Variants in PLEKHA1 observed in about 807,000 individuals in gnomAD.
PLEKHA1 encodes the protein pleckstrin homology domain-containing family A member 1.
A neutral mutation model predicts 52.0 loss-of-function variants in PLEKHA1; 34 were observed. The observed-to-expected ratio is 0.65, with a 90% CI of 0.50 to 0.87. PLEKHA1 has a LOEUF of 0.87. PLEKHA1 is among the 40% of genes least tolerant of loss of function. PLEKHA1 has a pLI of 0.00. For synonymous variants in PLEKHA1, 163 were observed against 170.7 expected (o/e 0.95, Z 0.35); for missense variants, 497 against 504.2 (o/e 0.99, Z 0.14).
downstream of PLEKHA1, chr10:122,435,492 G>A (rs982167792): frequency 1.3e-5 from 2 of 152,116 alleles, no homozygotes; most frequent in African/African-American, 4.8e-5. Context: ...TGCCTCCATC[G>A]TAGAAAATTA....
In PLEKHA1 at chr10:122,424,169, CTGTTT is replaced by C; in HGVS notation, c.682-28_682-24del. 5 of 728,538 alleles carry C rather than the reference CTGTTT, an allele frequency of 6.9e-6. No individual in the cohort carries two copies. The African/African-American group carries it at 9.6e-5, about 14-fold the overall frequency. 45.1% of individuals were successfully genotyped at this position (728,538 alleles called of 1,614,324 possible). The stretch of plus-strand genomic sequence containing the variant: ...GATTTTAAGAATAAACATCATGTAA[CTGTTT>C]TTTTTTTTTTTTTTTTTTTGCCAGG... On this transcript the variant is annotated intron_variant, in intron 8 of 11. Coordinates refer to ENST00000368990, the MANE Select transcript of PLEKHA1 (RefSeq NM_001001974.4).
At chr10:122,433,767 T>C (rs917475028), downstream of PLEKHA1, 2 of 152,250 alleles carry the variant, frequency 1.3e-5, no homozygotes, top group African/African-American at 4.8e-5. Flanking sequence ...TTAGGTTTTC[T>C]GTAGTTCTGT....
At chr10:122,429,357 A>T (rs951763376) in intron 11 of PLEKHA1, among the ~76,000 whole-genome samples, 44 of 152,222 alleles carry the variant, frequency 2.9e-4, no homozygotes, top group African/African-American at 1.0e-3. Flanking sequence ...ATAGGCTGCC[A>T]AATTCAGCTT....
At position 122,418,191 on chromosome 10, in the gene PLEKHA1, A is replaced by AG. The variant is rs1365201914; in HGVS notation, c.681+224dup. ...CTTCAAAGCAGCATTCCACCTTGAA[A>AG]GATCTGAAGATCTCAGAATCCTCTA... On this transcript the variant is annotated intron_variant, in intron 8 of 11. Transcript: ENST00000368990. The AG allele has an allele frequency of 2.0e-5, 8 of 409,938 alleles. No individual in the cohort carries two copies. The East Asian group carries it at 3.2e-4, about 17-fold the overall frequency. The allele number at this position is 409,938 out of a possible 1,614,324, so 25.4% of individuals were successfully genotyped here.
chr10:122,395,245 T>C (rs994237690), intron 2 of PLEKHA1, among the ~76,000 whole-genome samples: 1 of 152,194 alleles, frequency 6.6e-6, no homozygotes, highest in African/African-American at 2.4e-5. Flanking sequence ...TTAGAATTAA[T>C]GCATTGGCTT....
chr10:122,418,062 T>G, intron 8 of PLEKHA1, 94 bp downstream of exon 8: 1 of 892,840 alleles, frequency 1.1e-6, no homozygotes, highest in East Asian at 2.6e-5. Flanking sequence ...TTCTGTAGTT[T>G]CAGAATAAGT....
At chr10:122,395,386 TACC>T (rs2096836556) in intron 2 of PLEKHA1, among the ~76,000 whole-genome samples, 2 of 152,194 alleles carry the variant, frequency 1.3e-5, no homozygotes, top group African/African-American at 4.8e-5. Flanking sequence ...TAGCCATTAG[TACC>T]AACTTGGTGT....
At chr10:122,390,828 G>A (rs2133951794) in intron 1 of PLEKHA1, among the ~76,000 whole-genome samples, 1 of 151,924 alleles carries the variant, frequency 6.6e-6, no homozygotes, top group African/African-American at 2.4e-5. Context: ...TAGAATGGCT[G>A]GATCATATGG....
intron 10 of PLEKHA1, chr10:122,425,244 T>C (rs749393891): frequency 1.2e-4 from 29 of 251,014 alleles, no homozygotes; most frequent in Admixed American, 2.2e-4. Flanking sequence ...TGGATTATTT[T>C]TGCACATGTT....
At chr10:122,428,030 C>G (rs867243846) in intron 11 of PLEKHA1, among the ~76,000 whole-genome samples, 4 of 152,196 alleles carry the variant, frequency 2.6e-5, no homozygotes, top group Admixed American at 6.5e-5. Context: ...TAAGAAGTCA[C>G]TTTCATAGAT....
chr10:122,384,814 T>C (rs11200599), intron 1 of PLEKHA1, among the ~76,000 whole-genome samples: 150,009 of 151,954 alleles, frequency 0.99, 74,126 homozygotes, highest in Middle Eastern at 1. Context: ...ATTAGCCGGG[T>C]GGTAGTGGCT....
intron 1 of PLEKHA1, among the ~76,000 whole-genome samples, chr10:122,383,486 A>AT (rs5788548): frequency 2.2e-5 from 3 of 138,352 alleles, no homozygotes; most frequent in East Asian, 4.1e-4. Flanking sequence ...TGCCTGGCTA[A>AT]TTTTTTTTTT....
chr10:122,411,531 T>G (rs1005381165), intron 5 of PLEKHA1, among the ~76,000 whole-genome samples: 1 of 152,194 alleles, frequency 6.6e-6, no homozygotes, highest in Non-Finnish European at 1.5e-5. Flanking sequence ...TAGAGCAGTG[T>G]TTCTCAAAGT....
intron 2 of PLEKHA1, among the ~76,000 whole-genome samples, chr10:122,394,443 G>A (rs1196151729): frequency 2.6e-5 from 4 of 152,070 alleles, no homozygotes; most frequent in African/African-American, 9.7e-5. Flanking sequence ...ATGTTGCAAG[G>A]AAGTATGTGC....
chr10:122,426,593 C>T (rs763428416), intron 10 of PLEKHA1, among the ~76,000 whole-genome samples: 9 of 152,132 alleles, frequency 5.9e-5, no homozygotes, highest in Non-Finnish European at 1.2e-4. Context: ...TACACAACTA[C>T]ATAAATATTC....
chr10:122,430,853 A>C lies in PLEKHA1; in HGVS notation c.*915A>C, dbSNP rs1371143445. The C allele has an allele frequency of 6.6e-6, 1 of 152,440 alleles. No homozygotes were observed. The highest frequency in any genetic ancestry group is 1.5e-5 in the Non-Finnish European group (1 of 68,026). 9.4% of individuals were successfully genotyped at this position (152,440 alleles called of 1,614,324 possible). ...GTGCCTGTGTTTTTTCATCTTGTTT[A>C]GGAATGTTTTGAGATTAATGTGCTT... On this transcript the variant is annotated 3_prime_UTR_variant, in exon 12 of 12. Coordinates refer to ENST00000368990, the MANE Select transcript of PLEKHA1 (RefSeq NM_001001974.4).
At chr10:122,437,404 G>T in the PLEKHA1 span, 1 of 152,178 alleles carries the variant, frequency 6.6e-6, no homozygotes, top group East Asian at 1.9e-4. Flanking sequence ...TGTTAGGGTT[G>T]ACATGTCAGA....
chr10:122,383,198 T>A (rs1424654468), intron 1 of PLEKHA1, among the ~76,000 whole-genome samples: 1 of 152,206 alleles, frequency 6.6e-6, no homozygotes, highest in Non-Finnish European at 1.5e-5. Context: ...CCCCAGCAAC[T>A]ACCAACCCTG....
At chr10:122,399,284 C>T (rs185389234) in intron 3 of PLEKHA1, among the ~76,000 whole-genome samples, 74 of 152,224 alleles carry the variant, frequency 4.9e-4, no homozygotes, top group Admixed American at 2.7e-3. Context: ...AGGTGCAAAA[C>T]GGATGCTACA....
Sources: gnomAD v4.1 joint callset for allele counts (sites outside exome capture counted in the v4.1 genomes callset) on GRCh38, gnomAD v4.1.1 for gene constraint, MANE v1.5 for transcripts, NCBI Gene and HGNC (gene_info 2026-07-23, HGNC 2026-07-21) for gene names.